GKAP1: variants seen among roughly 807,000 people sequenced by gnomAD.
The protein encoded by GKAP1 is G kinase anchoring protein 1.
In GKAP1, 31 loss-of-function variants were observed where a neutral mutation model predicts 56.7. That is an observed-to-expected ratio of 0.55 (90% CI 0.41 to 0.74). GKAP1 has a LOEUF of 0.74. Among genes scored for constraint, GKAP1 ranks in the 30% least tolerant of loss-of-function variants. The pLI, the probability that GKAP1 is intolerant of heterozygous loss-of-function variation, is 0.00. For missense variants in GKAP1, 364 were observed against 402.3 expected (o/e 0.90, Z 0.82); for synonymous variants, 151 against 138.6 (o/e 1.09, Z -0.63).
At chr9:83,788,375 T>C (rs1300943894) in intron 5 of GKAP1, among the ~76,000 whole-genome samples, 1 of 152,238 alleles carries the variant, frequency 6.6e-6, no homozygotes, top group Non-Finnish European at 1.5e-5. Flanking sequence ...GGGAAATTCC[T>C]TAACATTCCA....
At chr9:83,742,099 T>C in intron 11 of GKAP1, 70 bp from the exon 12 acceptor site, 1 of 891,742 alleles carries the variant, frequency 1.1e-6, no homozygotes, top group Non-Finnish European at 1.8e-6. Context: ...CTTAACATAT[T>C]CACAATGATA....
chr9:83,775,103 A>C (rs1162557848), intron 7 of GKAP1, among the ~76,000 whole-genome samples: 1 of 151,620 alleles, frequency 6.6e-6, no homozygotes, highest in African/African-American at 2.4e-5. Context: ...TCCTGAGCTC[A>C]AATGATCTTC....
At position 83,817,644 on chromosome 9, in the gene GKAP1, G is replaced by A. The variant is rs1004126414; in HGVS notation, c.-303C>T. ...TGGGTCAAGTGTCGGCAGAGCTGGG[G>A]GCAGGCTCGCGCCGGGCGGGGGTCG... is the stretch of plus-strand genomic sequence containing the variant. On this transcript the variant is annotated 5_prime_UTR_variant, in exon 1 of 13. Coordinates refer to ENST00000376371, the MANE Select transcript of GKAP1 (RefSeq NM_025211.4). The A allele has an allele frequency of 6.6e-6, 1 of 151,194 alleles. No homozygotes were observed. The highest frequency in any genetic ancestry group is 1.5e-5 in the Non-Finnish European group (1 of 67,694). 9.4% of individuals were successfully genotyped at this position (151,194 alleles called of 1,614,324 possible).
chr9:83,815,459 G>A (rs1010708305), intron 2 of GKAP1, among the ~76,000 whole-genome samples: 5 of 151,512 alleles, frequency 3.3e-5, no homozygotes, highest in African/African-American at 9.7e-5. Context: ...CTCTATCAAG[G>A]TTTGGAGGCA....
chr9:83,754,511 G>A (rs1019439905), intron 8 of GKAP1, among the ~76,000 whole-genome samples: 4 of 152,168 alleles, frequency 2.6e-5, no homozygotes, highest in Non-Finnish European at 5.9e-5. Flanking sequence ...TCTCTAAAGT[G>A]GTGACACTTA....
chr9:83,800,864 T>C (rs1004737176), intron 3 of GKAP1, among the ~76,000 whole-genome samples: 1 of 152,250 alleles, frequency 6.6e-6, no homozygotes, highest in South Asian at 2.1e-4. Flanking sequence ...CCACAAATAC[T>C]ATCTGACCAA....
intron 8 of GKAP1, among the ~76,000 whole-genome samples, chr9:83,763,340 G>A (rs1479381807): frequency 6.6e-6 from 1 of 152,148 alleles, no homozygotes; most frequent in Non-Finnish European, 1.5e-5. Flanking sequence ...GTACAAAAAA[G>A]TTAGAAAGAA....
At position 83,799,251 on chromosome 9, in the gene GKAP1, C is replaced by A. The variant is rs949990992; in HGVS notation, c.294G>T (p.Leu98Phe). 3 of 1,609,238 alleles carry A rather than the reference C, an allele frequency of 1.9e-6. No individual in the cohort carries two copies. Among genetic ancestry groups the A allele is most frequent in the African/African-American group, 2.7e-5 (2 of 74,654 alleles). ...GTGAATCCTTCTGTACTGGGTTTGA[C>A]AATGGAAGATCATGTTGAGCGTTAC... ...AVCNAQHDLP[L>F]SNPVQKDSRE... The change falls in exon 4 of 13, where the codon TTG becomes TTT. Residue 98 changes from leucine (L) to phenylalanine (F), a missense_variant. Leu to Phe is a conservative substitution (Grantham distance 22, BLOSUM62 0). Transcript: ENST00000376371.
chr9:83,804,739 G>A (rs1197121684), intron 3 of GKAP1, among the ~76,000 whole-genome samples: 5 of 143,564 alleles, frequency 3.5e-5, no homozygotes, highest in East Asian at 2.1e-4. Flanking sequence ...GCCCCCCGCC[G>A]GGCCAGCCAC....
At chr9:83,775,980 C>T (rs535661646) in intron 7 of GKAP1, among the ~76,000 whole-genome samples, 2 of 150,994 alleles carry the variant, frequency 1.3e-5, no homozygotes, top group South Asian at 4.2e-4. Flanking sequence ...TTCTGTAAAG[C>T]TATAACCCCG....
intron 4 of GKAP1, among the ~76,000 whole-genome samples, chr9:83,794,529 C>T (rs1483106843): frequency 6.6e-6 from 1 of 152,138 alleles, no homozygotes; most frequent in Non-Finnish European, 1.5e-5. Flanking sequence ...AAGGATGTCA[C>T]GTAAGAGAGA....
chr9:83,772,369 G>A (rs994234931), intron 7 of GKAP1, among the ~76,000 whole-genome samples: 3 of 152,258 alleles, frequency 2.0e-5, no homozygotes, highest in Admixed American at 2.0e-4. Flanking sequence ...GTTGTGCTGG[G>A]AGAAGTGTCT....
At chr9:83,752,533 A>G (rs1943408059) in intron 9 of GKAP1, among the ~76,000 whole-genome samples, 1 of 152,160 alleles carries the variant, frequency 6.6e-6, no homozygotes, top group East Asian at 1.9e-4. Flanking sequence ...AATTCACAGA[A>G]ATTAGAGGTT....
chr9:83,740,951 A>G (rs1177015763), intron 12 of GKAP1, among the ~76,000 whole-genome samples: 1 of 152,190 alleles, frequency 6.6e-6, no homozygotes, highest in Non-Finnish European at 1.5e-5. Context: ...AATTTTGCCA[A>G]TATTTATTCA....
At position 83,799,514 on chromosome 9, in the gene GKAP1, G is replaced by A. The variant is rs113420908; in HGVS notation, c.217-186C>T. ...TCTTTGTAGAATGTTAATTTTGCCA[G>A]CATTTGAGATAATGTTGGTAGATCT... On this transcript the variant is annotated intron_variant, in intron 3 of 12. Coordinates refer to ENST00000376371, the MANE Select transcript of GKAP1 (RefSeq NM_025211.4). 6.6e-5 allele frequency among the ~76,000 whole-genome samples: 10 copies of A among 152,144 alleles called. 1 individual carries two copies. The highest frequency in any genetic ancestry group is 2.4e-4 in the African/African-American group (10 of 41,500).
rs1257255023 is a variant in GKAP1, at chr9:83,788,600, C to A, written c.438+1G>T. On this transcript the variant is annotated splice_donor_variant, in intron 5 of 12. Transcript: ENST00000376371. LOFTEE classifies it high-confidence loss of function. The stretch of plus-strand genomic sequence containing the variant: ...ATCTAAATCAGTAAGTATGTAAATA[C>A]CTTTTTGTGCTCTTCATATTCTAGT... The A allele has an allele frequency of 5.2e-6, 8 of 1,527,608 alleles. No individual in the cohort carries two copies. Among genetic ancestry groups the A allele is most frequent in the Non-Finnish European group, 6.3e-6 (7 of 1,112,702 alleles). 94.6% of individuals were successfully genotyped at this position (1,527,608 alleles called of 1,614,324 possible). A position where few individuals can be genotyped will look rare whatever the true frequency, so the allele number is the denominator to read the frequency against.
intron 8 of GKAP1, among the ~76,000 whole-genome samples, chr9:83,768,031 T>C (rs1195727789): frequency 6.6e-6 from 1 of 152,208 alleles, no homozygotes; most frequent in African/African-American, 2.4e-5. Flanking sequence ...AATGCCATTC[T>C]TAGCTTACAG....
chr9:83,813,182 AC>A (rs1473224273), intron 2 of GKAP1, among the ~76,000 whole-genome samples: 5 of 152,106 alleles, frequency 3.3e-5, no homozygotes, highest in Non-Finnish European at 5.9e-5. Context: ...CCCTCTCTAT[AC>A]TTTTTCTCCT....
chr9:83,806,824 C>T (rs1244636694), intron 2 of GKAP1, among the ~76,000 whole-genome samples: 1 of 152,080 alleles, frequency 6.6e-6, no homozygotes, highest in African/African-American at 2.4e-5. Context: ...CACAGTCTTC[C>T]TCTCTCAATC....
Sources: gnomAD v4.1 joint callset for allele counts (sites outside exome capture counted in the v4.1 genomes callset) on GRCh38, gnomAD v4.1.1 for gene constraint, MANE v1.5 for transcripts, NCBI Gene and HGNC (gene_info 2026-07-23, HGNC 2026-07-21) for gene names.